The following DOCK8 variants were observed in gnomAD, a reference collection of about 807,000 sequenced individuals.
DOCK8 encodes the protein dedicator of cytokinesis protein 8.
DOCK8 carries 141 observed loss-of-function variants against 245.6 expected under a neutral mutation model. The observed-to-expected ratio is 0.57, with a 90% CI of 0.50 to 0.66. The LOEUF (loss-of-function observed/expected upper bound fraction) is 0.66. DOCK8 is among the 30% of genes least tolerant of loss of function. DOCK8 has a pLI of 0.00. For missense variants in DOCK8, 2,965 were observed against 2,603.4 expected (o/e 1.14, Z -3.02); for synonymous variants, 1,168 against 970.2 (o/e 1.20, Z -3.79).
intron 12 of DOCK8, among the ~76,000 whole-genome samples, chr9:338,721 A>T (rs1291379476): frequency 1.3e-5 from 2 of 152,080 alleles, no homozygotes; most frequent in Non-Finnish European, 2.9e-5. Context: ...ATCGGGGGGA[A>T]GCTTTTGGCC....
rs566374355 is a variant in DOCK8 at position 463,431 on chromosome 9, G to T, written c.6069-86G>T. On this transcript the variant is annotated intron_variant, in intron 46 of 47. Transcript: ENST00000432829. ...TTTGAAAACGTTCTTAAAGTTATTC[G>T]AAAAATCGTAAGTAATTTCATTGTT... 1.8e-4 allele frequency: 280 copies of T among 1,550,504 alleles called. No homozygotes were observed. The African/African-American group carries it at 3.5e-3, about 19-fold the overall frequency.
At chr9:435,802 T>TAG (rs1222678064) in intron 39 of DOCK8, among the ~76,000 whole-genome samples, 1 of 152,120 alleles carries the variant, frequency 6.6e-6, no homozygotes, top group Admixed American at 6.6e-5. Flanking sequence ...TAATAGTCTT[T>TAG]AGAGAGAGAG....
chr9:370,055 G>A (rs192243235), intron 15 of DOCK8, 175 bp from the exon 16 acceptor site: 4 of 652,752 alleles, frequency 6.1e-6, no homozygotes, highest in Admixed American at 4.4e-5. Context: ...CTCCCACGCC[G>A]ACCTCCCAGA....
chr9:427,405 G>C (rs1271191579), intron 34 of DOCK8, among the ~76,000 whole-genome samples: 1 of 152,206 alleles, frequency 6.6e-6, no homozygotes, highest in South Asian at 2.1e-4. Flanking sequence ...GGTAAAAAGA[G>C]TGCTAAATTT....
chr9:274,627 A>G (rs1160359451), intron 2 of DOCK8, among the ~76,000 whole-genome samples: 1 of 151,746 alleles, frequency 6.6e-6, no homozygotes, highest in African/African-American at 2.4e-5. Context: ...TCCCCAAAAG[A>G]AATCATCAAC....
intron 43 of DOCK8, among the ~76,000 whole-genome samples, chr9:445,751 A>G (rs1214228917): frequency 1.4e-5 from 2 of 139,346 alleles, no homozygotes; most frequent in Non-Finnish European, 3.2e-5. Context: ...CTTTGTTATG[A>G]ATAAAGTTGC....
At chr9:386,457 C>A in intron 23 of DOCK8, 31 bp downstream of exon 23, 1 of 1,588,074 alleles carries the variant, frequency 6.3e-7, no homozygotes, top group South Asian at 1.1e-5. Flanking sequence ...AGGTTCATCC[C>A]AGGATAAGAA....
At chr9:437,140 C>T (rs1035344377) in intron 39 of DOCK8, among the ~76,000 whole-genome samples, 1 of 152,214 alleles carries the variant, frequency 6.6e-6, no homozygotes, top group East Asian at 1.9e-4. Flanking sequence ...GGACACCCAA[C>T]CCAGACTGAC....
At chr9:217,465 T>G (rs2046782877) in intron 1 of DOCK8, among the ~76,000 whole-genome samples, 1 of 152,172 alleles carries the variant, frequency 6.6e-6, no homozygotes, top group South Asian at 2.1e-4. Context: ...AGAAAATATG[T>G]GATGAAATCT....
intron 7 of DOCK8, among the ~76,000 whole-genome samples, chr9:324,927 C>T (rs10970387): frequency 0.66 from 100,885 of 151,900 alleles, 33,611 homozygotes; most frequent in South Asian, 0.74. Flanking sequence ...GTCACCCAAG[C>T]AGTGTACATT....
chr9:395,159 G>A (rs140428357), intron 24 of DOCK8, among the ~76,000 whole-genome samples: 142 of 152,184 alleles, frequency 9.3e-4, no homozygotes, highest in African/African-American at 3.1e-3. Context: ...AGGTGCATGC[G>A]GCCTTGTGGG....
intron 36 of DOCK8, 38 bp from the exon 37 acceptor site, chr9:432,128 T>C (rs767329008): frequency 6.9e-6 from 11 of 1,587,796 alleles, no homozygotes; most frequent in Admixed American, 1.8e-5. Flanking sequence ...AAGTGTGTCT[T>C]ATTTACTTCA....
chr9:419,764 C>T (rs2056196550), intron 30 of DOCK8, among the ~76,000 whole-genome samples: 1 of 152,190 alleles, frequency 6.6e-6, no homozygotes, highest in African/African-American at 2.4e-5. Context: ...AAAATGAATA[C>T]TTGTGGCCAA....
intron 1 of DOCK8, chr9:215,290 C>G (rs1379106631): frequency 1.9e-6 from 3 of 1,608,790 alleles, no homozygotes; most frequent in South Asian, 1.1e-5. Context: ...ATCCCTTCCC[C>G]GAACAACCTC....
intron 8 of DOCK8, among the ~76,000 whole-genome samples, chr9:327,500 C>T (rs1019950964): frequency 6.6e-6 from 1 of 150,792 alleles, no homozygotes; most frequent in Admixed American, 6.6e-5. Context: ...TTCAAGTGAT[C>T]CATCCTCCCA....
chr9:272,642 C>G (rs760037942), intron 2 of DOCK8, among the ~76,000 whole-genome samples: 1 of 152,222 alleles, frequency 6.6e-6, no homozygotes, highest in Non-Finnish European at 1.5e-5. Flanking sequence ...CTGCCTCAGC[C>G]TCCCAAAGTG....
intron 28 of DOCK8, among the ~76,000 whole-genome samples, chr9:412,155 C>A (rs1352881660): frequency 1.3e-5 from 2 of 152,044 alleles, no homozygotes; most frequent in South Asian, 2.1e-4. Flanking sequence ...GTAATCCCAG[C>A]ACTTTGGGAG....
chr9:324,149 G>A (rs1330763442), intron 7 of DOCK8, among the ~76,000 whole-genome samples: 1 of 152,178 alleles, frequency 6.6e-6, no homozygotes, highest in Non-Finnish European at 1.5e-5. Context: ...ACAGAGTCCA[G>A]GTCTCTGCCT....
chr9:340,887 A>T (rs1034410301), intron 14 of DOCK8, among the ~76,000 whole-genome samples: 1 of 150,238 alleles, frequency 6.7e-6, no homozygotes, highest in Non-Finnish European at 1.5e-5. Flanking sequence ...TCCAGAGATT[A>T]AAAAAAAAAT....
Sources: allele counts gnomAD v4.1 joint callset (sites outside exome capture counted in the v4.1 genomes callset), GRCh38; gene constraint gnomAD v4.1.1; transcripts MANE v1.5; gene names NCBI Gene and HGNC (gene_info 2026-07-23, HGNC 2026-07-21).